ACVR1: variants seen among roughly 807,000 people sequenced by gnomAD.
ACVR1 encodes the protein activin A receptor type 1.
In ACVR1, 38 loss-of-function variants were observed where a neutral mutation model predicts 57.1. The ratio of observed to expected loss-of-function variants is 0.67; its 90% CI spans 0.51 to 0.87. ACVR1 has a LOEUF of 0.87. Among genes scored for constraint, ACVR1 ranks in the 40% least tolerant of loss-of-function variants. The pLI, the probability that ACVR1 is intolerant of heterozygous loss-of-function variation, is 0.00. For synonymous variants in ACVR1, 212 were observed against 228.1 expected (o/e 0.93, Z 0.63); for missense variants, 463 against 638.2 (o/e 0.73, Z 2.96).
At chr2:157,746,220 C>T (rs913765886) in intron 9 of ACVR1, among the ~76,000 whole-genome samples, 2 of 152,144 alleles carry the variant, frequency 1.3e-5, no homozygotes, top group Admixed American at 6.5e-5. Context: ...ACCCATTTTC[C>T]GTGGAAAGGA....
intron 1 of ACVR1, among the ~76,000 whole-genome samples, chr2:157,827,997 T>C (rs1163603584): frequency 3.9e-5 from 6 of 152,344 alleles, no homozygotes; most frequent in East Asian, 3.9e-4. Flanking sequence ...TCAAGAATTA[T>C]GCTAACAGCA....
chr2:157,852,074 G>T (rs1430432697), intron 1 of ACVR1, among the ~76,000 whole-genome samples: 1 of 152,080 alleles, frequency 6.6e-6, no homozygotes, highest in African/African-American at 2.4e-5. Flanking sequence ...TCAGGAAGGG[G>T]CTTATGAGAG....
chr2:157,759,941 T>C (rs1484232375), intron 9 of ACVR1, among the ~76,000 whole-genome samples: 1 of 152,142 alleles, frequency 6.6e-6, no homozygotes, highest in East Asian at 1.9e-4. Context: ...GGAATATACA[T>C]ACTTCAACAT....
intron 7 of ACVR1, among the ~76,000 whole-genome samples, chr2:157,767,243 C>T (rs1397592944): frequency 3.9e-5 from 6 of 151,996 alleles, no homozygotes; most frequent in Non-Finnish European, 7.4e-5. Context: ...ACGTTGGCCA[C>T]GCTGGTCTCA....
At chr2:157,867,292 T>C (rs1366301111) in intron 1 of ACVR1, among the ~76,000 whole-genome samples, 1 of 152,196 alleles carries the variant, frequency 6.6e-6, no homozygotes, top group Non-Finnish European at 1.5e-5. Context: ...TCTATTCTCA[T>C]TTCCTCCTGG....
chr2:157,753,300 C>T (rs578223444), intron 9 of ACVR1, among the ~76,000 whole-genome samples: 103 of 152,242 alleles, frequency 6.8e-4, no homozygotes, highest in African/African-American at 2.3e-3. Context: ...GAGGCCGAGG[C>T]GGGCAGATCA....
intron 8 of ACVR1, 81 bp from the exon 9 acceptor site, chr2:157,761,158 A>C: frequency 2.2e-6 from 3 of 1,394,526 alleles, no homozygotes; most frequent in Non-Finnish European, 2.0e-6. Context: ...ACCAACCCCA[A>C]TCAAAAGTGC....
At chr2:157,824,759 CTT>C (rs879362189) in intron 1 of ACVR1, among the ~76,000 whole-genome samples, 3 of 146,650 alleles carry the variant, frequency 2.0e-5, no homozygotes, top group Non-Finnish European at 3.0e-5. Flanking sequence ...ACTCCTTTCT[CTT>C]TTTTTTTTTT....
chr2:157,834,550 G>T (rs2105348067), intron 1 of ACVR1, among the ~76,000 whole-genome samples: 1 of 152,310 alleles, frequency 6.6e-6, no homozygotes, highest in Middle Eastern at 3.4e-3. Context: ...ACATCAGACA[G>T]CAAGAATAGA....
At chr2:157,777,475 T>C (rs1404724029) in intron 5 of ACVR1, among the ~76,000 whole-genome samples, 3 of 152,250 alleles carry the variant, frequency 2.0e-5, no homozygotes, top group African/African-American at 7.2e-5. Flanking sequence ...AAAGATGGTA[T>C]GTATTTGGTT....
chr2:157,816,928 T>C (rs1035076105), intron 2 of ACVR1, among the ~76,000 whole-genome samples: 2 of 152,070 alleles, frequency 1.3e-5, no homozygotes, highest in Non-Finnish European at 2.9e-5. Context: ...TAACTTATCA[T>C]ACTCTTAAAA....
chr2:157,873,049 T>C (rs1035253948), intron 1 of ACVR1, among the ~76,000 whole-genome samples: 3 of 152,238 alleles, frequency 2.0e-5, no homozygotes, highest in East Asian at 1.9e-4. Context: ...TAGTAATACA[T>C]AATTTCCTCT....
chr2:157,861,314 A>G (rs538526729), intron 1 of ACVR1, among the ~76,000 whole-genome samples: 1 of 152,254 alleles, frequency 6.6e-6, no homozygotes, highest in Non-Finnish European at 1.5e-5. Flanking sequence ...GAAGGATAGA[A>G]TGGCCATGAA....
intron 1 of ACVR1, among the ~76,000 whole-genome samples, chr2:157,824,805 G>GTGCAGT (rs758333540): frequency 1.6e-4 from 24 of 151,472 alleles, no homozygotes; most frequent in Non-Finnish European, 2.9e-4. Context: ...CCAGGCTGGA[G>GTGCAGT]TGCAGTGGCA....
At chr2:157,856,549 G>C (rs1364803085) in intron 1 of ACVR1, among the ~76,000 whole-genome samples, 1 of 152,172 alleles carries the variant, frequency 6.6e-6, no homozygotes, top group South Asian at 2.1e-4. Context: ...AAACTAACAA[G>C]TATTTATTGA....
chr2:157,754,511 G>A (rs111855669), intron 9 of ACVR1, among the ~76,000 whole-genome samples: 2,673 of 152,130 alleles, frequency 0.018, 66 homozygotes, highest in African/African-American at 0.059. Context: ...ACCTAGAGGA[G>A]ATAGATAAAT....
intron 9 of ACVR1, among the ~76,000 whole-genome samples, chr2:157,752,185 G>A (rs1325381796): frequency 6.6e-6 from 1 of 152,136 alleles, no homozygotes; most frequent in Non-Finnish European, 1.5e-5. Flanking sequence ...TGTGTGGGTG[G>A]CTAGATCCAG....
intron 3 of ACVR1, among the ~76,000 whole-genome samples, chr2:157,791,311 T>C (rs1169285739): frequency 6.6e-6 from 1 of 152,236 alleles, no homozygotes; most frequent in Non-Finnish European, 1.5e-5. Context: ...TGATTCACTT[T>C]TCCCAAACTC....
chr2:157,826,891 G>T, intron 1 of ACVR1, among the ~76,000 whole-genome samples: 1 of 145,948 alleles, frequency 6.9e-6, no homozygotes, highest in Non-Finnish European at 1.5e-5. Flanking sequence ...GAAAGGAAAG[G>T]AGGAAGGTAG....
Sources: allele counts gnomAD v4.1 joint callset (sites outside exome capture counted in the v4.1 genomes callset), GRCh38; gene constraint gnomAD v4.1.1; transcripts MANE v1.5; gene names NCBI Gene and HGNC (gene_info 2026-07-23, HGNC 2026-07-21).